Variants in ANK2 observed in about 807,000 individuals in gnomAD.
ANK2 encodes the protein ankyrin-2.
Under a neutral mutation model 360.5 loss-of-function variants are expected in ANK2, and 83 were observed. That is an observed-to-expected ratio of 0.23 (90% CI 0.19 to 0.28). ANK2 has a LOEUF of 0.28. Ranked by LOEUF, ANK2 falls within the 10% of genes least tolerant of loss-of-function variation. The pLI is 1.00. For synonymous variants in ANK2, 1,740 were observed against 1,759.5 expected (o/e 0.99, Z 0.28); for missense variants, 4,201 against 4,795.7 (o/e 0.88, Z 3.66).
chr4:113,195,449 C>T (rs1396109611), intron 2 of ANK2, among the ~76,000 whole-genome samples: 3 of 152,012 alleles, frequency 2.0e-5, no homozygotes, highest in African/African-American at 7.2e-5. Flanking sequence ...AATCCAAAAA[C>T]ATTTATGATT....
intron 7 of ANK2, among the ~76,000 whole-genome samples, chr4:113,239,299 T>C (rs73841272): frequency 6.6e-6 from 1 of 152,286 alleles, no homozygotes; most frequent in African/African-American, 2.4e-5. Flanking sequence ...AGCACAAATT[T>C]TCATTACCTA....
intron 2 of ANK2, among the ~76,000 whole-genome samples, chr4:112,957,033 A>G (rs866447042): frequency 3.5e-5 from 2 of 57,514 alleles, no homozygotes; most frequent in Non-Finnish European, 6.9e-5. Flanking sequence ...TTTTTTTTTT[A>G]ATTGATCATT....
chr4:113,162,939 T>C (rs988282478), intron 1 of ANK2, among the ~76,000 whole-genome samples: 1 of 152,144 alleles, frequency 6.6e-6, no homozygotes, highest in African/African-American at 2.4e-5. Flanking sequence ...TATCATAAAA[T>C]AACCTGCTGT....
chr4:113,363,258 A>G (rs1305094435), intron 39 of ANK2, 80 bp from the exon 40 acceptor site: 11 of 1,428,888 alleles, frequency 7.7e-6, no homozygotes, highest in African/African-American at 5.6e-5. Context: ...AGAACACATC[A>G]TTTACAAAAT....
chr4:113,095,650 T>G (rs1254077132), intron 1 of ANK2, among the ~76,000 whole-genome samples: 1 of 152,176 alleles, frequency 6.6e-6, no homozygotes, highest in Non-Finnish European at 1.5e-5. Flanking sequence ...TAGGTTACAA[T>G]AAGTGAAACA....
intron 1 of ANK2, chr4:112,881,809 CT>C: frequency 1.1e-6 from 1 of 925,158 alleles, no homozygotes; most frequent in Non-Finnish European, 1.7e-6. Context: ...TCAGTGTCTT[CT>C]TTAATGCCAC....
chr4:112,922,544 G>A (rs1323967770), intron 2 of ANK2, among the ~76,000 whole-genome samples: 1 of 152,182 alleles, frequency 6.6e-6, no homozygotes, highest in African/African-American at 2.4e-5. Context: ...TTGATTTAAA[G>A]ATACTACAGT....
At chr4:112,842,985 G>A (rs376091419) in intron 1 of ANK2, among the ~76,000 whole-genome samples, 2 of 152,130 alleles carry the variant, frequency 1.3e-5, no homozygotes, top group Admixed American at 6.5e-5. Context: ...GGGGACAACC[G>A]TCTTCAAAGC....
chr4:113,346,171 G>T (rs898804788), intron 35 of ANK2, 149 bp downstream of exon 35: 12 of 954,892 alleles, frequency 1.3e-5, no homozygotes, highest in Non-Finnish European at 1.9e-5. Flanking sequence ...CTGATTGAAA[G>T]CATGTGTAAT....
At chr4:113,331,808 T>G (rs1170268031) in intron 27 of ANK2, among the ~76,000 whole-genome samples, 164 bp from the exon 28 acceptor site, 1 of 152,140 alleles carries the variant, frequency 6.6e-6, no homozygotes. Context: ...ACACTCTGGG[T>G]CTCGGTTCCT....
At chr4:113,211,668 G>A (rs1212528719) in intron 4 of ANK2, among the ~76,000 whole-genome samples, 2 of 152,164 alleles carry the variant, frequency 1.3e-5, no homozygotes, top group Non-Finnish European at 2.9e-5. Context: ...TGTATAACTG[G>A]AAGGGGCTAT....
chr4:112,796,196 G>A, the ANK2 span, among the ~76,000 whole-genome samples: 1 of 151,972 alleles, frequency 6.6e-6, no homozygotes, highest in Non-Finnish European at 1.5e-5. Flanking sequence ...AGGCTAGGTG[G>A]GCAAATCACC....
At chr4:113,138,809 C>A (rs1008631134) in intron 1 of ANK2, among the ~76,000 whole-genome samples, 1 of 152,170 alleles carries the variant, frequency 6.6e-6, no homozygotes, top group Admixed American at 6.5e-5. Context: ...GTTGTTATTT[C>A]TCTAGAACCT....
At chr4:113,322,583 G>A (rs1001416620) in intron 26 of ANK2, among the ~76,000 whole-genome samples, 2 of 152,126 alleles carry the variant, frequency 1.3e-5, no homozygotes, top group Admixed American at 6.5e-5. Context: ...TTTAGTTTTT[G>A]TAGTGTTTTA....
At chr4:112,782,750 T>C in the ANK2 span, among the ~76,000 whole-genome samples, 1 of 151,656 alleles carries the variant, frequency 6.6e-6, no homozygotes, top group African/African-American at 2.4e-5. Flanking sequence ...GTGCCTGTAA[T>C]CCCAGCTACT....
chr4:113,285,140 GTT>G (rs140312322), intron 18 of ANK2, among the ~76,000 whole-genome samples: 94,372 of 148,852 alleles, frequency 0.63, 29,694 homozygotes, highest in East Asian at 0.71. Context: ...TATTAGAAAA[GTT>G]TTTTTTTTTT....
intron 2 of ANK2, among the ~76,000 whole-genome samples, chr4:112,944,051 T>G (rs1464297908): frequency 6.6e-6 from 1 of 152,180 alleles, no homozygotes; most frequent in African/African-American, 2.4e-5. Flanking sequence ...TTCAGTCCAT[T>G]GAACTAATAT....
At chr4:113,190,314 T>C (rs2098637339) in intron 2 of ANK2, among the ~76,000 whole-genome samples, 1 of 152,070 alleles carries the variant, frequency 6.6e-6, no homozygotes. Flanking sequence ...CTCTCTATGT[T>C]GCCAAGGCTG....
intron 45 of ANK2, among the ~76,000 whole-genome samples, chr4:113,375,512 T>C (rs907565284): frequency 6.6e-6 from 1 of 151,646 alleles, no homozygotes; most frequent in Non-Finnish European, 1.5e-5. Flanking sequence ...GATCACAAGG[T>C]CAGGAGATCG....
Sources: gnomAD v4.1 joint callset for allele counts (sites outside exome capture counted in the v4.1 genomes callset) on GRCh38, gnomAD v4.1.1 for gene constraint, MANE v1.5 for transcripts, NCBI Gene and HGNC (gene_info 2026-07-23, HGNC 2026-07-21) for gene names.